The following TDRP variants were observed in gnomAD, a reference collection of about 807,000 sequenced individuals.
TDRP encodes the protein testis development-related protein.
TDRP carries 12 observed loss-of-function variants against 10.5 expected under a neutral mutation model. The ratio of observed to expected loss-of-function variants is 1.15; its 90% CI spans 0.73 to 1.86. TDRP has a LOEUF of 1.86. Among genes scored for constraint, TDRP ranks in the 40% most tolerant of loss-of-function variants. The pLI is 0.00. For synonymous variants in TDRP, 139 were observed against 95.4 expected (o/e 1.46, Z -2.67); for missense variants, 353 against 229.2 (o/e 1.54, Z -3.49).
intron 1 of TDRP, among the ~76,000 whole-genome samples, chr8:533,559 C>G (rs76190673): frequency 0.022 from 3,285 of 152,294 alleles, 110 homozygotes; most frequent in African/African-American, 0.076. Flanking sequence ...ACTAGAACCC[C>G]AGACGTTTCA....
In TDRP at chr8:529,333, TTATC is replaced by T. The variant is rs534238479; in HGVS notation, c.108+15313_108+15316del. ...AAACCAAATCGAGTATTTTATATTT[TTATC>T]TATTAACATAGTTTTAGTTATTTTT... On this transcript the variant is annotated intron_variant, in intron 1 of 2. Transcript: ENST00000324079. 1.4e-4 allele frequency among the ~76,000 whole-genome samples: 21 copies of T among 152,374 alleles called. No individual in the cohort carries two copies. The South Asian group carries it at 4.3e-3, about 32-fold the overall frequency.
At chr8:498,836 G>C (rs555058526) in intron 1 of TDRP, among the ~76,000 whole-genome samples, 2 of 152,116 alleles carry the variant, frequency 1.3e-5, no homozygotes, top group Non-Finnish European at 2.9e-5. Flanking sequence ...TCTTGTGATA[G>C]TGAGTTCTCA....
intron 1 of TDRP, among the ~76,000 whole-genome samples, chr8:535,508 C>T (rs1463086704): frequency 6.6e-6 from 1 of 152,154 alleles, no homozygotes; most frequent in Non-Finnish European, 1.5e-5. Flanking sequence ...CCGTGGACTG[C>T]ATCTTGACTC....
At chr8:524,162 C>A (rs1459907598) in intron 1 of TDRP, among the ~76,000 whole-genome samples, 2 of 152,160 alleles carry the variant, frequency 1.3e-5, no homozygotes, top group Non-Finnish European at 2.9e-5. Context: ...GCCTGGTAAT[C>A]CTGGGAATTA....
At chr8:499,029 C>T (rs1353342575) in intron 1 of TDRP, among the ~76,000 whole-genome samples, 1 of 152,138 alleles carries the variant, frequency 6.6e-6, no homozygotes, top group Non-Finnish European at 1.5e-5. Flanking sequence ...TACCCAGTCT[C>T]AGGTAGTTCT....
At chr8:526,246 T>A (rs1448089) in intron 1 of TDRP, among the ~76,000 whole-genome samples, 3 of 151,916 alleles carry the variant, frequency 2.0e-5, no homozygotes, top group Non-Finnish European at 2.9e-5. Flanking sequence ...GATCTGCCCA[T>A]CTCAGCCTAT....
chr8:527,307 G>C (rs1276600761), intron 1 of TDRP, among the ~76,000 whole-genome samples: 1 of 152,098 alleles, frequency 6.6e-6, no homozygotes, highest in Admixed American at 6.6e-5. Flanking sequence ...TCATGGACTG[G>C]AAGAGTCACT....
chr8:491,961 C>A lies in TDRP; in HGVS notation c.*438G>T. The A allele has an allele frequency of 1.8e-6, 2 of 1,115,380 alleles. No individual in the cohort carries two copies. The highest frequency in any genetic ancestry group is 2.2e-6 in the Non-Finnish European group (2 of 915,422). The allele number at this position is 1,115,380 out of a possible 1,614,324, so 69.1% of individuals were successfully genotyped here. ...TAACTTTGGAAGATTCATCTTACCT[C>A]CTGACTAATTTTCTAGCAAAAGAAA... On this transcript the variant is annotated 3_prime_UTR_variant, in exon 3 of 3. Transcript: ENST00000324079.
At chr8:514,288 C>T (rs1584867199) in intron 1 of TDRP, among the ~76,000 whole-genome samples, 1 of 152,270 alleles carries the variant, frequency 6.6e-6, no homozygotes, top group African/African-American at 2.4e-5. Flanking sequence ...ACTAAGCGTC[C>T]AGAAATAAAC....
rs539781219 is a variant in TDRP, at chr8:491,864, T to C, written c.*535A>G. 1.5e-5 allele frequency: 18 copies of C among 1,197,946 alleles called. No homozygotes were observed. The South Asian group carries it at 5.0e-4, about 33-fold the overall frequency. The allele number at this position is 1,197,946 out of a possible 1,614,324, so 74.2% of individuals were successfully genotyped here. ...TTTACTCCCAAATATAAGCTTTGCT[T>C]TTCCAGTATTTGTTTACGTATTTGT... On this transcript the variant is annotated 3_prime_UTR_variant, in exon 3 of 3. Coordinates refer to ENST00000324079, the MANE Select transcript of TDRP (RefSeq NM_001384899.1).
At chr8:494,711 C>T (rs1050867187) in intron 1 of TDRP, 114 bp from the exon 2 acceptor site, 3 of 878,878 alleles carry the variant, frequency 3.4e-6, no homozygotes, top group African/African-American at 3.4e-5. Flanking sequence ...GCAGAGCTTA[C>T]ATCTTAGCTT....
chr8:493,369 C>T (rs1801034421), intron 2 of TDRP, among the ~76,000 whole-genome samples: 2 of 152,178 alleles, frequency 1.3e-5, no homozygotes, highest in African/African-American at 2.4e-5. Context: ...ATTAGCAGGT[C>T]GCCTGACAAC....
rs1467382220 is a variant in TDRP, at chr8:535,939, GTGAC to G, written c.108+8707_108+8710del. Among the ~76,000 whole-genome samples, 36 of 152,260 alleles carry G rather than the reference GTGAC, an allele frequency of 2.4e-4. 1 individual carries two copies. The highest frequency in any genetic ancestry group is 7.9e-4 in the African/African-American group (33 of 41,590). ...TCAGTGACGTTCAGTTTTCAAGACAGTGACTGACTCACAAAGTGAAACCCACAGC... is the reference window on the plus strand; with the variant it reads ...TCAGTGACGTTCAGTTTTCAAGACAGTGACTCACAAAGTGAAACCCACAGC... On this transcript the variant is annotated intron_variant, in intron 1 of 2. Coordinates refer to ENST00000324079, the MANE Select transcript of TDRP (RefSeq NM_001384899.1).
rs57263869 is a variant in TDRP at position 521,246 on chromosome 8, C to CAAAAAAAAAAA, written c.108+23393_108+23403dup. Among the ~76,000 whole-genome samples, 21 of 84,492 alleles carry CAAAAAAAAAAA rather than the reference C, an allele frequency of 2.5e-4. 1 individual carries two copies. The highest frequency in any genetic ancestry group is 4.4e-4 in the East Asian group (1 of 2,268). 55.4% of individuals were successfully genotyped at this position (84,492 alleles called of 152,430 possible). ...TCAAACCCCGTCTCTACTAAAAATCCAAAAAAAAAAAAAAAAAAAAAATAG... is the reference window on the plus strand; with the variant it reads ...TCAAACCCCGTCTCTACTAAAAATCCAAAAAAAAAAAAAAAAAAAAAAAAAAAAAAAAATAG... On this transcript the variant is annotated intron_variant, in intron 1 of 2. Coordinates refer to ENST00000324079, the MANE Select transcript of TDRP (RefSeq NM_001384899.1).
chr8:492,420 ATC>A lies in TDRP; in HGVS notation c.535_536del (p.Asp179Ter), dbSNP rs760038107. The A allele has an allele frequency of 6.4e-7, 1 of 1,564,482 alleles. No homozygotes were observed. The highest frequency in any genetic ancestry group is 1.8e-5 in the Admixed American group (1 of 55,230). On this transcript the variant is annotated frameshift_variant, in exon 3 of 3. Transcript: ENST00000324079. LOFTEE classifies it high-confidence loss of function. ...IRRQSKGHLT[D>X]SPEEAE ...CCCCTCACTCCGCCTCCTCCGGGCTATCTGTCAGGTGGCCTTTACTCTGCCGT... is the reference window on the plus strand; with the variant it reads ...CCCCTCACTCCGCCTCCTCCGGGCTATGTCAGGTGGCCTTTACTCTGCCGT...
At chr8:530,450 C>A (rs200855127) in intron 1 of TDRP, among the ~76,000 whole-genome samples, 1 of 152,032 alleles carries the variant, frequency 6.6e-6, no homozygotes, top group East Asian at 1.9e-4. Flanking sequence ...TTTGGGGTAT[C>A]TGAAAAAACA....
At chr8:506,541 G>A (rs1312847047) in intron 1 of TDRP, among the ~76,000 whole-genome samples, 1 of 152,226 alleles carries the variant, frequency 6.6e-6, no homozygotes, top group Non-Finnish European at 1.5e-5. Context: ...AGGCGCTGCT[G>A]TGCATGTGCT....
chr8:531,580 C>T (rs534704350), intron 1 of TDRP, among the ~76,000 whole-genome samples: 9 of 152,220 alleles, frequency 5.9e-5, no homozygotes, highest in East Asian at 1.9e-4. Flanking sequence ...TTTTTATCTA[C>T]GACAAAAATG....
intron 1 of TDRP, among the ~76,000 whole-genome samples, chr8:519,226 T>C (rs955124379): frequency 2.0e-5 from 3 of 152,156 alleles, no homozygotes; most frequent in African/African-American, 2.4e-5. Context: ...AGCATGCATG[T>C]TGAGAGGGAT....
Sources: gnomAD v4.1 joint callset for allele counts (sites outside exome capture counted in the v4.1 genomes callset) on GRCh38, gnomAD v4.1.1 for gene constraint, MANE v1.5 for transcripts, NCBI Gene and HGNC (gene_info 2026-07-23, HGNC 2026-07-21) for gene names.